Variants in ZNF616 observed in about 807,000 individuals in gnomAD.
ZNF616 encodes zinc finger protein 616.
In ZNF616, 5 loss-of-function variants were observed where a neutral mutation model predicts 7.6. The ratio of observed to expected loss-of-function variants is 0.66; its 90% CI spans 0.34 to 1.38. ZNF616 has a LOEUF of 1.38. Among genes scored for constraint, ZNF616 ranks in the 40% most tolerant of loss-of-function variants. The pLI, the probability that ZNF616 is intolerant of heterozygous loss-of-function variation, is 0.04. For missense variants in ZNF616, 913 were observed against 948.3 expected, an observed-to-expected ratio of 0.96 and a Z score of 0.49; for synonymous variants, 319 against 317.2, an observed-to-expected ratio of 1.01 and a Z score of -0.06.
rs369670007 is a variant in ZNF616 at position 52,115,973 on chromosome 19, T to C, written c.1191A>G (p.Ala397=). ...GKVFSKRSSL[A]VHRRIHTVEK... ...CTACAGTGTGAATTCGTCGATGCAC[T>C]GCAAGACTTGAACGTTTACTGAAGA... Residue 397 remains alanine, a synonymous_variant, in exon 4 of 4, where the codon GCA becomes GCG. Coordinates refer to ENST00000600228, the MANE Select transcript of ZNF616 (RefSeq NM_178523.5). 1.2e-6 allele frequency: 2 copies of C among 1,614,214 alleles called. No homozygotes were observed. Among genetic ancestry groups the C allele is most frequent in the South Asian group, 1.1e-5 (1 of 91,084 alleles).
chr19:52,120,387 G>GT (rs1600122891), intron 3 of ZNF616, among the ~76,000 whole-genome samples: 2 of 152,150 alleles, frequency 1.3e-5, no homozygotes, highest in East Asian at 3.8e-4. Context: ...CACAAAGGCA[G>GT]TAACGGATAT....
At chr19:52,136,328 A>C (rs1280636096) in intron 1 of ZNF616, among the ~76,000 whole-genome samples, 1 of 152,084 alleles carries the variant, frequency 6.6e-6, no homozygotes, top group Non-Finnish European at 1.5e-5. Context: ...CTAAAATACA[A>C]AAATTAGCCA....
At position 52,116,219 on chromosome 19, in the gene ZNF616, A is replaced by T. The variant is rs756725228; in HGVS notation, c.945T>A (p.His315Gln). The change falls in exon 4 of 4, where the codon CAT (histidine) becomes CAA (glutamine). Residue 315 changes from histidine to glutamine, a missense_variant. Physicochemically the swap from His to Gln is conservative, Grantham distance 24 (BLOSUM62 0). Coordinates refer to ENST00000600228, the MANE Select transcript of ZNF616 (RefSeq NM_178523.5). ...GTCTCTCTCCAGTATGAACTGTCTG[A>T]TGAAGTCTAAGATGGACACGCTGAC... The part of the protein sequence containing the change: ...SFSQRVHLRL[H>Q]QTVHTGERPF... 4 of 1,614,052 alleles carry T rather than the reference A, an allele frequency of 2.5e-6. No homozygotes were observed. The East Asian group carries it at 8.9e-5, about 36-fold the overall frequency.
chr19:52,130,810 G>A (rs1412064372), intron 1 of ZNF616, among the ~76,000 whole-genome samples: 3 of 152,232 alleles, frequency 2.0e-5, no homozygotes, highest in African/African-American at 7.2e-5. Flanking sequence ...GGCTGCAGCA[G>A]TGTGTAGCTA....
At chr19:52,137,068 T>C (rs1043741906) in intron 1 of ZNF616, among the ~76,000 whole-genome samples, 3 of 149,838 alleles carry the variant, frequency 2.0e-5, no homozygotes, top group Admixed American at 6.7e-5. Flanking sequence ...TATATATATA[T>C]ATATATACAG....
At chr19:52,132,212 A>G (rs1447419231) in intron 1 of ZNF616, among the ~76,000 whole-genome samples, 3 of 152,212 alleles carry the variant, frequency 2.0e-5, no homozygotes, top group Non-Finnish European at 4.4e-5. Flanking sequence ...AGAGCCAGGA[A>G]GTATAGGGCC....
Position 52,116,905 on chromosome 19 carries a change from A to G in ZNF616, c.259T>C (p.Phe87Leu), listed in dbSNP as rs1245982075. 1.9e-6 allele frequency: 3 copies of G among 1,613,908 alleles called. No homozygotes were observed. In the African/African-American group the frequency reaches 4.0e-5, roughly 22 times the overall value. ...TGTAGATGTTTCTGTATTTCCCTGA[A>G]GTATAAATTTTCAATATCATAGCTT... ...HQSYDIENLYFREIQKHLHDL... is the reference protein window; with the variant it reads ...HQSYDIENLYLREIQKHLHDL... The change falls in exon 4 of 4, where the codon TTC (phenylalanine) becomes CTC (leucine). Residue 87 changes from phenylalanine (F) to leucine (L), a missense_variant. Transcript: ENST00000600228.
At position 52,123,178 on chromosome 19, in the gene ZNF616, A is replaced by T. The variant is rs149945303; in HGVS notation, c.139+745T>A. 5.4e-4 allele frequency among the ~76,000 whole-genome samples: 83 copies of T among 152,334 alleles called. No individual in the cohort carries two copies. In the East Asian group the frequency reaches 0.016, roughly 29 times the overall value. On this transcript the variant is annotated intron_variant, in intron 3 of 3. Transcript: ENST00000600228. ...AAACTGAGTATCCTCAAAAATATGG[A>T]ACTGATTATTAAATAAATAAAAACA... is the stretch of plus-strand genomic sequence containing the variant.
At chr19:52,131,772 C>T (rs889368971) in intron 1 of ZNF616, among the ~76,000 whole-genome samples, 1 of 152,166 alleles carries the variant, frequency 6.6e-6, no homozygotes, top group African/African-American at 2.4e-5. Context: ...GTAAAAACAA[C>T]ATAGTAGTAA....
rs1236369308 is a variant in ZNF616 at position 52,120,404 on chromosome 19, C to CA, written c.140-3381dup. Among the ~76,000 whole-genome samples the CA allele has an allele frequency of 7.9e-5, 12 of 151,992 alleles. No homozygotes were observed. The South Asian group carries it at 2.1e-3, about 26-fold the overall frequency. ...CAAAGGCAGTAACGGATATGAAGAA[C>CA]AAAAAAATCTAAGAGATATAGGAAA... On this transcript the variant is annotated intron_variant, in intron 3 of 3. Transcript: ENST00000600228.
At chr19:52,130,471 T>C (rs2088948129) in intron 2 of ZNF616, 30 bp downstream of exon 2, 1 of 1,565,942 alleles carries the variant, frequency 6.4e-7, no homozygotes, top group Non-Finnish European at 8.8e-7. Flanking sequence ...ACCAAGAATA[T>C]CACTTCACTT....
intron 3 of ZNF616, among the ~76,000 whole-genome samples, chr19:52,117,511 T>C (rs1225280802): frequency 2.0e-5 from 3 of 152,140 alleles, no homozygotes; most frequent in Non-Finnish European, 4.4e-5. Context: ...TAAAACACTC[T>C]ATTAACCCAT....
intron 1 of ZNF616, among the ~76,000 whole-genome samples, chr19:52,135,941 C>G (rs1174490439): frequency 6.6e-6 from 1 of 151,624 alleles, no homozygotes; most frequent in Non-Finnish European, 1.5e-5. Context: ...TCAGCCTGGC[C>G]AACACAGTGA....
At chr19:52,119,638 T>A (rs1600122637) in intron 3 of ZNF616, among the ~76,000 whole-genome samples, 1 of 152,216 alleles carries the variant, frequency 6.6e-6, no homozygotes, top group East Asian at 1.9e-4. Flanking sequence ...TGTAGGTATA[T>A]AATTTCACCA....
Position 52,115,220 on chromosome 19 carries a change from A to C in ZNF616, c.1944T>G (p.Leu648=). The C allele has an allele frequency of 1.2e-6, 2 of 1,614,224 alleles. No homozygotes were observed. Among genetic ancestry groups the C allele is most frequent in the South Asian group, 2.2e-5 (2 of 91,084 alleles). Reference sequence around the variant, plus strand: ...CAGTATGAACAGTCTGATGAAGTCTAAGATGGACACGCTGACTAAAGGAAT... The same window carrying C: ...CAGTATGAACAGTCTGATGAAGTCTCAGATGGACACGCTGACTAAAGGAAT... ...CGNSFSQRVH[L]RLHQTVHTGD... The change falls in exon 4 of 4, where the codon CTT becomes CTG. Residue 648 remains leucine, a synonymous_variant. Coordinates refer to ENST00000600228, the MANE Select transcript of ZNF616 (RefSeq NM_178523.5).
At position 52,115,225 on chromosome 19, in the gene ZNF616, G is replaced by A; in HGVS notation, c.1939C>T (p.His647Tyr). ...QCGNSFSQRV[H>Y]LRLHQTVHTG... ...TGAACAGTCTGATGAAGTCTAAGAT[G>A]GACACGCTGACTAAAGGAATTCCCA... Residue 647 changes from histidine to tyrosine, a missense_variant, in exon 4 of 4, where the codon CAT becomes TAT. Physicochemically the swap from His to Tyr is moderately conservative, Grantham distance 83. Coordinates refer to ENST00000600228, the MANE Select transcript of ZNF616 (RefSeq NM_178523.5). The A allele has an allele frequency of 6.2e-7, 1 of 1,614,082 alleles. No homozygotes were observed. The highest frequency in any genetic ancestry group is 8.5e-7 in the Non-Finnish European group (1 of 1,180,016).
chr19:52,115,474 G>T lies in ZNF616; in HGVS notation c.1690C>A (p.Leu564Ile). Residue 564 changes from leucine (L) to isoleucine (I), a missense_variant, in exon 4 of 4, where the codon CTT becomes ATT. Coordinates refer to ENST00000600228, the MANE Select transcript of ZNF616 (RefSeq NM_178523.5). ...CTATGAATTCTCCGATGCACTGTAAGACGTGAACATTGACTGAAGACCTTG... is the reference window on the plus strand; with the variant it reads ...CTATGAATTCTCCGATGCACTGTAATACGTGAACATTGACTGAAGACCTTG... Reference protein sequence around the residue: ...CGKVFSQCSRLTVHRRIHSGE... With the variant: ...CGKVFSQCSRITVHRRIHSGE... The T allele has an allele frequency of 6.2e-7, 1 of 1,614,198 alleles. No individual in the cohort carries two copies.
In ZNF616 at chr19:52,139,731, C is replaced by G. The variant is rs952039744; in HGVS notation, c.-77+1G>C. 3 of 152,310 alleles carry G rather than the reference C, an allele frequency of 2.0e-5. No individual in the cohort carries two copies. Among genetic ancestry groups the G allele is most frequent in the African/African-American group, 4.8e-5 (2 of 41,432 alleles). 9.4% of individuals were successfully genotyped at this position (152,310 alleles called of 1,614,324 possible). A position where few individuals can be genotyped will look rare whatever the true frequency, so the allele number is the denominator to read the frequency against. The stretch of plus-strand genomic sequence containing the variant: ...GACAGGGAAGCAATTCTCGGACTTA[C>G]GTGGGGAGAAGTGCCTGTTGCAGGG... On this transcript the variant is annotated splice_donor_variant, in intron 1 of 3. Coordinates refer to ENST00000600228, the MANE Select transcript of ZNF616 (RefSeq NM_178523.5). LOFTEE classifies it low-confidence loss of function (5UTR_SPLICE). The surrounding 1 kb of genome is among the most constrained non-coding windows in gnomAD (Gnocchi z 4.1).
chr19:52,126,077 G>A (rs546704192), intron 2 of ZNF616, among the ~76,000 whole-genome samples: 121 of 152,226 alleles, frequency 7.9e-4, no homozygotes, highest in African/African-American at 2.8e-3. Flanking sequence ...CACCAAATCT[G>A]GGCAGGCAGC....
Sources: gnomAD v4.1 joint callset for allele counts (sites outside exome capture counted in the v4.1 genomes callset) on GRCh38, gnomAD v4.1.1 for gene constraint, Gnocchi (gnomAD v3.1) non-coding constraint, MANE v1.5 for transcripts, NCBI Gene and HGNC (gene_info 2026-07-23, HGNC 2026-07-21) for gene names.